Variants in SIK2 observed in about 807,000 individuals in gnomAD.
SIK2 encodes salt inducible kinase 2.
In SIK2, 29 loss-of-function variants were observed where a neutral mutation model predicts 103.2. The observed-to-expected ratio is 0.28, with a 90% CI of 0.21 to 0.38. The LOEUF is 0.38. Ranked by LOEUF, SIK2 falls within the 10% of genes least tolerant of loss-of-function variation. The pLI, the probability that SIK2 is intolerant of heterozygous loss-of-function variation, is 1.00. For missense variants in SIK2, 879 were observed against 1,171.0 expected (o/e 0.75, Z 3.64); for synonymous variants, 412 against 446.1 (o/e 0.92, Z 0.96).
intron 1 of SIK2, among the ~76,000 whole-genome samples, chr11:111,608,117 G>T (rs1385594446): frequency 6.6e-6 from 1 of 151,936 alleles, no homozygotes; most frequent in Non-Finnish European, 1.5e-5. Flanking sequence ...CCATCTTTTC[G>T]AAATAAATTA....
intron 1 of SIK2, among the ~76,000 whole-genome samples, chr11:111,612,322 A>T (rs1941737972): frequency 1.3e-5 from 2 of 152,188 alleles, no homozygotes; most frequent in South Asian, 4.1e-4. Flanking sequence ...AAGTATCTTT[A>T]AAAATGCTGT....
At chr11:111,652,106 G>A (rs1052067722) in intron 3 of SIK2, among the ~76,000 whole-genome samples, 3 of 151,990 alleles carry the variant, frequency 2.0e-5, no homozygotes, top group Non-Finnish European at 2.9e-5. Context: ...TTGAGTATCC[G>A]CTGTGTAAAA....
chr11:111,630,458 T>C (rs926105427), intron 3 of SIK2, among the ~76,000 whole-genome samples: 6 of 152,128 alleles, frequency 3.9e-5, no homozygotes, highest in African/African-American at 1.4e-4. Flanking sequence ...TTGCATCTTA[T>C]TGTATATAAA....
intron 3 of SIK2, among the ~76,000 whole-genome samples, chr11:111,622,390 G>A (rs1241111768): frequency 6.6e-6 from 1 of 151,268 alleles, no homozygotes; most frequent in Non-Finnish European, 1.5e-5. Flanking sequence ...CAAATAACTG[G>A]TCCTACAGGC....
At chr11:111,655,001 A>C (rs984593553) in intron 3 of SIK2, among the ~76,000 whole-genome samples, 1 of 152,258 alleles carries the variant, frequency 6.6e-6, no homozygotes, top group East Asian at 1.9e-4. Flanking sequence ...CTCTTGACAG[A>C]AAATTTAATC....
chr11:111,643,088 T>C (rs1200611854), intron 3 of SIK2, among the ~76,000 whole-genome samples: 1 of 152,200 alleles, frequency 6.6e-6, no homozygotes, highest in Non-Finnish European at 1.5e-5. Context: ...TTGTCTATTG[T>C]AAAGTACTAT....
chr11:111,692,749 G>A (rs1942977950), intron 4 of SIK2, among the ~76,000 whole-genome samples: 1 of 151,902 alleles, frequency 6.6e-6, no homozygotes, highest in African/African-American at 2.4e-5. Context: ...GGGAAAAATA[G>A]GGCTCTGTGG....
In SIK2 at chr11:111,727,019, T is replaced by C; in HGVS notation, c.*2890T>C. ...GCTCTGCAATTCCCAGCTGGGCAAG[T>C]GTGTCTCTAGTATCTCCACGCAACT... is the stretch of plus-strand genomic sequence containing the variant. On this transcript the variant is annotated 3_prime_UTR_variant, in exon 15 of 15. Transcript: ENST00000304987. 1.2e-6 allele frequency: 2 copies of C among 1,614,194 alleles called. No individual in the cohort carries two copies. The highest frequency in any genetic ancestry group is 1.7e-6 in the Non-Finnish European group (2 of 1,180,020).
intron 3 of SIK2, among the ~76,000 whole-genome samples, chr11:111,649,994 T>C (rs901048182): frequency 6.6e-6 from 1 of 152,122 alleles, no homozygotes; most frequent in Non-Finnish European, 1.5e-5. Flanking sequence ...CAAATTTGAG[T>C]TATATGCAAA....
At chr11:111,611,180 CA>C (rs1941720902) in intron 1 of SIK2, among the ~76,000 whole-genome samples, 1 of 150,546 alleles carries the variant, frequency 6.6e-6, no homozygotes, top group Non-Finnish European at 1.5e-5. Context: ...GCCTGGGAGG[CA>C]GAGGTTGCAG....
chr11:111,697,549 TG>T (rs1429320532), intron 4 of SIK2, among the ~76,000 whole-genome samples: 1 of 152,248 alleles, frequency 6.6e-6, no homozygotes, highest in East Asian at 1.9e-4. Flanking sequence ...GAAATGTAAG[TG>T]TTGTCCCTAT....
At chr11:111,691,119 A>G (rs559478648) in intron 4 of SIK2, among the ~76,000 whole-genome samples, 5 of 152,354 alleles carry the variant, frequency 3.3e-5, no homozygotes, top group East Asian at 3.9e-4. Context: ...TAGTATGTCT[A>G]TTATAATTCT....
rs940919943 is a variant in SIK2, at chr11:111,700,926, G to A, written c.519G>A (p.Leu173=). 6.2e-7 allele frequency: 1 copy of A among 1,614,054 alleles called. No individual in the cohort carries two copies. ...ATTTCTTTAAAAGTGGTGAACTGCTGGCAACATGGTGTGGCAGCCCCCCTT... is the reference window on the plus strand; with the variant it reads ...ATTTCTTTAAAAGTGGTGAACTGCTAGCAACATGGTGTGGCAGCCCCCCTT... The part of the protein sequence containing the change: ...FGNFFKSGEL[L]ATWCGSPPYA... The change falls in exon 5 of 15, where the codon CTG becomes CTA. Residue 173 remains leucine, a synonymous_variant. Transcript: ENST00000304987.
At chr11:111,656,647 T>A (rs146942859) in intron 3 of SIK2, among the ~76,000 whole-genome samples, 1 of 152,354 alleles carries the variant, frequency 6.6e-6, no homozygotes, top group Admixed American at 6.5e-5. Flanking sequence ...CATTTCTTAA[T>A]GTTTCTGAAA....
intron 3 of SIK2, among the ~76,000 whole-genome samples, chr11:111,660,870 T>A (rs1300011440): frequency 2.1e-5 from 3 of 144,752 alleles, no homozygotes; most frequent in African/African-American, 7.6e-5. Flanking sequence ...TTTTTAGTTC[T>A]TGTTTTGTTT....
intron 4 of SIK2, among the ~76,000 whole-genome samples, chr11:111,696,202 A>G (rs1383407716): frequency 6.6e-6 from 1 of 152,232 alleles, no homozygotes; most frequent in Non-Finnish European, 1.5e-5. Flanking sequence ...GAGAAGACTA[A>G]GGAATCATGA....
chr11:111,681,689 G>A (rs1942779827), intron 3 of SIK2, among the ~76,000 whole-genome samples: 1 of 152,030 alleles, frequency 6.6e-6, no homozygotes, highest in Non-Finnish European at 1.5e-5. Context: ...ACCTATTGAA[G>A]TTTTTTTCAG....
intron 3 of SIK2, among the ~76,000 whole-genome samples, chr11:111,649,734 A>C (rs766456911): frequency 1.3e-5 from 2 of 152,152 alleles, no homozygotes; most frequent in Non-Finnish European, 2.9e-5. Context: ...TATTGTGCTA[A>C]TACAGAGTCT....
At chr11:111,610,778 A>G (rs12794249) in intron 1 of SIK2, among the ~76,000 whole-genome samples, 1 of 152,226 alleles carries the variant, frequency 6.6e-6, no homozygotes, top group African/African-American at 2.4e-5. Context: ...GAGAATTAGT[A>G]TATGATAAAT....
Sources: gnomAD v4.1 joint callset for allele counts (sites outside exome capture counted in the v4.1 genomes callset) on GRCh38, gnomAD v4.1.1 for gene constraint, MANE v1.5 for transcripts, NCBI Gene and HGNC (gene_info 2026-07-23, HGNC 2026-07-21) for gene names.